PCDH15: variants seen among roughly 807,000 people sequenced by gnomAD.
The protein encoded by PCDH15 is protocadherin related 15.
PCDH15 carries 129 observed loss-of-function variants against 178.5 expected under a neutral mutation model. The observed-to-expected ratio is 0.72, with a 90% CI of 0.63 to 0.84. The LOEUF is 0.84. Among genes scored for constraint, PCDH15 ranks in the 40% least tolerant of loss-of-function variants. The probability of loss-of-function intolerance (pLI) is 0.00; values close to 1 mark genes in which losing one functional copy is unlikely to be tolerated. For synonymous variants in PCDH15, 800 were observed against 732.0 expected (o/e 1.09, Z -1.50); for missense variants, 2,230 against 2,099.9 (o/e 1.06, Z -1.21).
At chr10:54,194,995 C>G (rs954462539) in intron 11 of PCDH15, among the ~76,000 whole-genome samples, 1 of 152,154 alleles carries the variant, frequency 6.6e-6, no homozygotes, top group Non-Finnish European at 1.5e-5. Context: ...TTCTCTAATA[C>G]ATGATACCAA....
chr10:54,373,209 C>T (rs1250009631), intron 4 of PCDH15, among the ~76,000 whole-genome samples: 1 of 151,846 alleles, frequency 6.6e-6, no homozygotes, highest in African/African-American at 2.4e-5. Context: ...GCAGGGAATG[C>T]ATTTTTGGCA....
chr10:53,823,158 C>G (rs1377421029), intron 32 of PCDH15: 6 of 1,613,800 alleles, frequency 3.7e-6, no homozygotes, highest in African/African-American at 1.3e-5. Flanking sequence ...ATTATGGGCA[C>G]TTAAGTCATC....
At chr10:55,600,557 G>A (rs1441776410) in intron 2 of PCDH15, among the ~76,000 whole-genome samples, 1 of 152,138 alleles carries the variant, frequency 6.6e-6, no homozygotes, top group African/African-American at 2.4e-5. Context: ...TTACGACCTT[G>A]ATGTTGGATC....
intron 2 of PCDH15, among the ~76,000 whole-genome samples, chr10:55,403,641 T>A (rs1056894756): frequency 6.6e-6 from 1 of 151,980 alleles, no homozygotes; most frequent in Non-Finnish European, 1.5e-5. Context: ...CCGCAATATA[T>A]GTTCTCAGCA....
At chr10:53,927,634 C>G (rs1280652054) in intron 25 of PCDH15, among the ~76,000 whole-genome samples, 1 of 152,020 alleles carries the variant, frequency 6.6e-6, no homozygotes, top group Non-Finnish European at 1.5e-5. Context: ...AACATGGCAT[C>G]AAACATAATT....
At chr10:54,622,689 TAA>T (rs2093415798) in intron 2 of PCDH15, among the ~76,000 whole-genome samples, 1 of 78,322 alleles carries the variant, frequency 1.3e-5, no homozygotes, top group African/African-American at 5.5e-5. Flanking sequence ...ATATATTATA[TAA>T]TATATATTTT....
chr10:53,961,130 A>ATACCACT (rs3066382), intron 22 of PCDH15, among the ~76,000 whole-genome samples: 1,583 of 152,236 alleles, frequency 0.01, 26 homozygotes, highest in African/African-American at 0.035. Context: ...TAACATAACA[A>ATACCACT]CAATCAGTAT....
At chr10:54,825,206 T>C (rs1313444533) in intron 3 of PCDH15, among the ~76,000 whole-genome samples, 1 of 151,956 alleles carries the variant, frequency 6.6e-6, no homozygotes, top group African/African-American at 2.4e-5. Context: ...CATGAACTCA[T>C]CATTTTTTAT....
chr10:54,768,648 C>A (rs1948766742), intron 1 of PCDH15, among the ~76,000 whole-genome samples: 1 of 152,106 alleles, frequency 6.6e-6, no homozygotes, highest in Non-Finnish European at 1.5e-5. Context: ...TGGAATCTGA[C>A]TCTTACAGCA....
intron 3 of PCDH15, among the ~76,000 whole-genome samples, chr10:54,469,666 A>G (rs1046705517): frequency 2.0e-5 from 3 of 152,106 alleles, no homozygotes; most frequent in Non-Finnish European, 4.4e-5. Flanking sequence ...GGTCTATGTA[A>G]GCAGGTCTAT....
chr10:53,845,773 A>G (rs2077930825), intron 28 of PCDH15, among the ~76,000 whole-genome samples: 1 of 151,698 alleles, frequency 6.6e-6, no homozygotes, highest in African/African-American at 2.4e-5. Flanking sequence ...AAAAATACAG[A>G]TAGAGAAAAT....
At chr10:54,139,852 A>G (rs963043169) in intron 14 of PCDH15, among the ~76,000 whole-genome samples, 2 of 152,196 alleles carry the variant, frequency 1.3e-5, no homozygotes, top group Non-Finnish European at 2.9e-5. Flanking sequence ...AATGAAAAAA[A>G]TAACAATTTT....
intron 2 of PCDH15, among the ~76,000 whole-genome samples, chr10:54,566,080 A>T (rs1039634119): frequency 1.3e-5 from 2 of 152,170 alleles, no homozygotes; most frequent in Admixed American, 1.3e-4. Flanking sequence ...GTGAAATTTC[A>T]TCTCAATAAA....
intron 8 of PCDH15, among the ~76,000 whole-genome samples, chr10:54,238,326 C>T (rs1226267608): frequency 6.6e-6 from 1 of 151,846 alleles, no homozygotes; most frequent in African/African-American, 2.4e-5. Flanking sequence ...AAAAAAAGAG[C>T]AATGATATTA....
intron 2 of PCDH15, among the ~76,000 whole-genome samples, chr10:55,599,082 A>G (rs1358160768): frequency 1.3e-5 from 2 of 152,198 alleles, no homozygotes; most frequent in Non-Finnish European, 2.9e-5. Context: ...TGAAAGAACT[A>G]TATCAAGCAC....
intron 6 of PCDH15, among the ~76,000 whole-genome samples, chr10:54,338,032 C>T (rs901239612): frequency 1.3e-5 from 2 of 152,186 alleles, no homozygotes. Context: ...CTCCCTCACA[C>T]AAATACAAAC....
chr10:54,307,252 T>G (rs975376709), intron 8 of PCDH15, among the ~76,000 whole-genome samples: 1 of 147,826 alleles, frequency 6.8e-6, no homozygotes, highest in African/African-American at 2.5e-5. Context: ...TTCTGATTTT[T>G]AATATGTGTC....
chr10:55,217,441 A>G (rs752787217), intron 1 of PCDH15, among the ~76,000 whole-genome samples: 35 of 151,864 alleles, frequency 2.3e-4, no homozygotes, highest in African/African-American at 3.4e-4. Flanking sequence ...TTTTATGTTT[A>G]TATTTTCTAT....
chr10:54,547,606 T>C (rs1227900552), intron 2 of PCDH15, among the ~76,000 whole-genome samples: 1 of 152,190 alleles, frequency 6.6e-6, no homozygotes, highest in East Asian at 1.9e-4. Context: ...CATACTGATG[T>C]ATATACCTTT....
Sources: gnomAD v4.1 joint callset for allele counts (sites outside exome capture counted in the v4.1 genomes callset) on GRCh38, gnomAD v4.1.1 for gene constraint, MANE v1.5 for transcripts, NCBI Gene and HGNC (gene_info 2026-07-23, HGNC 2026-07-21) for gene names.